The following GRK5 variants were observed in gnomAD, a reference collection of about 807,000 sequenced individuals.
GRK5 encodes g protein-coupled receptor kinase GRK5.
GRK5 carries 40 observed loss-of-function variants against 78.4 expected under a neutral mutation model. The observed-to-expected ratio is 0.51, with a 90% confidence interval of 0.40 to 0.66. GRK5 has a LOEUF of 0.66. Ranked by LOEUF, GRK5 falls within the 30% of genes least tolerant of loss-of-function variation. The pLI is 0.00. For missense variants in GRK5, 598 were observed against 759.9 expected (o/e 0.79, Z 2.50); for synonymous variants, 289 against 296.8 (o/e 0.97, Z 0.27).
chr10:119,420,619 C>T (rs1487675079), intron 4 of GRK5, among the ~76,000 whole-genome samples: 1 of 148,870 alleles, frequency 6.7e-6, no homozygotes, highest in Admixed American at 6.7e-5. Flanking sequence ...CACCGTGTTG[C>T]CTAGGCTGTA....
intron 6 of GRK5, among the ~76,000 whole-genome samples, chr10:119,425,296 C>CACACACACAA (rs1393829519): frequency 4.8e-5 from 7 of 146,182 alleles, no homozygotes; most frequent in Non-Finnish European, 1.1e-4. Flanking sequence ...CACACACACA[C>CACACACACAA]AAACACACAT....
At chr10:119,309,490 G>C (rs1357896611) in intron 1 of GRK5, among the ~76,000 whole-genome samples, 1 of 152,246 alleles carries the variant, frequency 6.6e-6, no homozygotes, top group Admixed American at 6.5e-5. Context: ...CCCAGGTCCT[G>C]TGACCCTATG....
rs548327230 is a variant in GRK5, at chr10:119,232,244, A to G, written c.52+24275A>G. Among the ~76,000 whole-genome samples, 18 of 152,346 alleles carry G rather than the reference A, an allele frequency of 1.2e-4. No homozygotes were observed. The South Asian group carries it at 1.2e-3, about 11-fold the overall frequency. ...AACCAGGCACAGAAAGTTAAATGCT[A>G]TGTGTTCTCACTTATACGTGGAAGC... On this transcript the variant is annotated intron_variant, in intron 1 of 15. Coordinates refer to ENST00000392870, the MANE Select transcript of GRK5 (RefSeq NM_005308.3).
intron 6 of GRK5, among the ~76,000 whole-genome samples, chr10:119,426,385 C>T (rs1852677029): frequency 6.6e-6 from 1 of 152,180 alleles, no homozygotes; most frequent in Non-Finnish European, 1.5e-5. Context: ...GCTTGAGAGG[C>T]AAAGGATTGG....
intron 4 of GRK5, among the ~76,000 whole-genome samples, chr10:119,407,146 G>GCTTCCC (rs953627239): frequency 1.2e-4 from 19 of 152,086 alleles, no homozygotes; most frequent in Admixed American, 3.9e-4. Context: ...CCTCCCTTCC[G>GCTTCCC]CTTCCCCTTC....
At chr10:119,346,896 T>A (rs1851104831) in intron 2 of GRK5, among the ~76,000 whole-genome samples, 1 of 152,166 alleles carries the variant, frequency 6.6e-6, no homozygotes, top group Admixed American at 6.5e-5. Context: ...CTCGGGCCCG[T>A]GTGGAGGGTA....
chr10:119,280,167 A>T (rs1257004188), intron 1 of GRK5, among the ~76,000 whole-genome samples: 1 of 152,184 alleles, frequency 6.6e-6, no homozygotes, highest in Non-Finnish European at 1.5e-5. Flanking sequence ...GGCCGTGCAG[A>T]ACAGCTGCAG....
At chr10:119,351,657 G>C (rs549940178) in intron 2 of GRK5, among the ~76,000 whole-genome samples, 1 of 152,252 alleles carries the variant, frequency 6.6e-6, no homozygotes, top group South Asian at 2.1e-4. Context: ...CACTATTATA[G>C]GTGGTAGGTA....
At chr10:119,254,600 C>T (rs766400380) in intron 1 of GRK5, among the ~76,000 whole-genome samples, 1 of 151,876 alleles carries the variant, frequency 6.6e-6, no homozygotes, top group Non-Finnish European at 1.5e-5. Flanking sequence ...GGCTGGGGCA[C>T]GGAGGATGTC....
chr10:119,324,734 G>A (rs745479717), intron 1 of GRK5, among the ~76,000 whole-genome samples: 23 of 152,258 alleles, frequency 1.5e-4, no homozygotes, highest in African/African-American at 5.5e-4. Flanking sequence ...CAGTATGCGC[G>A]TGTATGTTTA....
chr10:119,402,044 A>G (rs932550908), intron 4 of GRK5, among the ~76,000 whole-genome samples: 1 of 152,142 alleles, frequency 6.6e-6, no homozygotes, highest in Non-Finnish European at 1.5e-5. Flanking sequence ...AGTGCCACAG[A>G]GGAAGAGAGG....
intron 1 of GRK5, among the ~76,000 whole-genome samples, chr10:119,237,055 G>A (rs1341348743): frequency 1.6e-5 from 2 of 125,564 alleles, no homozygotes; most frequent in African/African-American, 5.8e-5. Flanking sequence ...TAGTGTATTT[G>A]CCTTACCTTT....
intron 14 of GRK5, 29 bp from the exon 15 acceptor site, chr10:119,453,116 C>G (rs1853324614): frequency 1.4e-6 from 2 of 1,403,474 alleles, no homozygotes; most frequent in South Asian, 2.3e-5. Flanking sequence ...CAGTTGACGG[C>G]CTGTGTTTTG....
rs367546813 is a variant in GRK5, at chr10:119,217,767, G to A, written c.52+9798G>A. ...ACCACACATAGCTCCCATCTGCCCTGCACCCTGCTTCCCTGGCCGCTTACT... is the reference window on the plus strand; with the variant it reads ...ACCACACATAGCTCCCATCTGCCCTACACCCTGCTTCCCTGGCCGCTTACT... On this transcript the variant is annotated intron_variant, in intron 1 of 15. Transcript: ENST00000392870. This position sits in a 1 kb window ranked among gnomAD's most constrained non-coding sequence, Gnocchi z 4.1. Among the ~76,000 whole-genome samples the A allele has an allele frequency of 6.4e-4, 97 of 152,318 alleles. 1 individual carries two copies. In the South Asian group the frequency reaches 0.02, roughly 31 times the overall value.
chr10:119,225,670 CTTTTT>C (rs35238730), intron 1 of GRK5, among the ~76,000 whole-genome samples: 3 of 114,970 alleles, frequency 2.6e-5, no homozygotes, highest in Non-Finnish European at 1.8e-5. Flanking sequence ...CTCTCTCTCT[CTTTTT>C]TTTTTTTTTT....
chr10:119,390,274 C>T (rs1999629), intron 3 of GRK5, among the ~76,000 whole-genome samples: 37,450 of 151,842 alleles, frequency 0.25, 4,684 homozygotes, highest in East Asian at 0.38. Flanking sequence ...AGAGGTTTAA[C>T]GGACTCACAG....
In GRK5 at chr10:119,264,487, A is replaced by G. The variant is rs549603925; in HGVS notation, c.52+56518A>G. ...CCTACTACCGCTCATCCTTCTCCCC[A>G]TGACGATAAAGATGGCCAGTGGCTG... On this transcript the variant is annotated intron_variant, in intron 1 of 15. Coordinates refer to ENST00000392870, the MANE Select transcript of GRK5 (RefSeq NM_005308.3). The surrounding 1 kb of genome is among the most constrained non-coding windows in gnomAD (Gnocchi z 4.1). Among the ~76,000 whole-genome samples, 1 of 152,146 alleles carries G rather than the reference A, an allele frequency of 6.6e-6. No homozygotes were observed. The highest frequency in any genetic ancestry group is 6.5e-5 in the Admixed American group (1 of 15,288).
At chr10:119,319,282 C>T (rs1187876126) in intron 1 of GRK5, among the ~76,000 whole-genome samples, 1 of 152,234 alleles carries the variant, frequency 6.6e-6, no homozygotes, top group Non-Finnish European at 1.5e-5. Context: ...TCCCTAGAGT[C>T]TGTCCCTTCT....
intron 12 of GRK5, among the ~76,000 whole-genome samples, chr10:119,444,563 C>A (rs929765905): frequency 3.3e-5 from 5 of 152,226 alleles, no homozygotes; most frequent in Admixed American, 1.3e-4. Flanking sequence ...TGGGGCCCTC[C>A]TCCTTATGGT....
Sources: allele counts gnomAD v4.1 joint callset (sites outside exome capture counted in the v4.1 genomes callset), GRCh38; gene constraint gnomAD v4.1.1; non-coding constraint Gnocchi (gnomAD v3.1); transcripts MANE v1.5; gene names NCBI Gene and HGNC (gene_info 2026-07-23, HGNC 2026-07-21).